ZNF860: variants seen among roughly 807,000 people sequenced by gnomAD.
ZNF860 encodes the protein zinc finger protein 860.
For missense variants in ZNF860, 641 were observed against 759.2 expected, an observed-to-expected ratio of 0.84 and a Z score of 1.83; for synonymous variants, 206 against 248.9, an observed-to-expected ratio of 0.83 and a Z score of 1.62.
chr3:31,988,458 A>G (rs902331612), intron 1 of ZNF860, among the ~76,000 whole-genome samples: 1 of 152,226 alleles, frequency 6.6e-6, no homozygotes, highest in Admixed American at 6.5e-5. Context: ...CTATGCCTAT[A>G]GATTCCTCTC....
the ZNF860 span, among the ~76,000 whole-genome samples, chr3:31,997,737 T>A: frequency 6.6e-6 from 1 of 152,094 alleles, no homozygotes; most frequent in Non-Finnish European, 1.5e-5. Context: ...TGCCTCTTCC[T>A]TGTCATGGAG....
chr3:31,990,996 A>G lies in ZNF860; in HGVS notation c.*18A>G, dbSNP rs748634300. The G allele has an allele frequency of 3.9e-6, 6 of 1,547,760 alleles. No individual in the cohort carries two copies. The African/African-American group carries it at 8.3e-5, about 21-fold the overall frequency. On this transcript the variant is annotated 3_prime_UTR_variant, in exon 2 of 2. Coordinates refer to ENST00000360311, the MANE Select transcript of ZNF860 (RefSeq NM_001137674.3). ...TCAGTTAGAGGTCACTCCTTGCAAA[A>G]CATCAGAAAATTCATTCCTGAGATA...
At chr3:32,005,788 C>T in the ZNF860 span, among the ~76,000 whole-genome samples, 1 of 151,950 alleles carries the variant, frequency 6.6e-6, no homozygotes, top group African/African-American at 2.4e-5. Flanking sequence ...GGGGTTTCAC[C>T]GTGTTAGCCG....
Position 31,991,128 on chromosome 3 carries a change from T to C in ZNF860, c.*150T>C. The C allele has an allele frequency of 2.5e-6, 2 of 798,158 alleles. No homozygotes were observed. Among genetic ancestry groups the C allele is most frequent in the Non-Finnish European group, 4.0e-6 (2 of 500,924 alleles). 49.4% of individuals were successfully genotyped at this position (798,158 alleles called of 1,614,324 possible). A position where few individuals can be genotyped will look rare whatever the true frequency, so the allele number is the denominator to read the frequency against. On this transcript the variant is annotated 3_prime_UTR_variant, in exon 2 of 2. Coordinates refer to ENST00000360311, the MANE Select transcript of ZNF860 (RefSeq NM_001137674.3). ...GTTGACTTGACATTGAGTTCAAGCA[T>C]TAATTGACATTAAAGTGTTTACGTT... is the stretch of plus-strand genomic sequence containing the variant.
intron 1 of ZNF860, among the ~76,000 whole-genome samples, chr3:31,983,170 G>C (rs1366189349): frequency 2.0e-5 from 3 of 152,164 alleles, no homozygotes; most frequent in Non-Finnish European, 2.9e-5. Context: ...GCATAGCTTT[G>C]CCTAAGCTAA....
Position 31,990,297 on chromosome 3 carries a change from C to G in ZNF860, c.1218C>G (p.Val406=). 1 of 1,614,026 alleles carries G rather than the reference C, an allele frequency of 6.2e-7. No homozygotes were observed. Among genetic ancestry groups the G allele is most frequent in the Admixed American group, 1.7e-5 (1 of 60,006 alleles). ...KLYKCNDCHK[V]FSNATTIANH... ...ATAAATGTAATGATTGTCACAAAGT[C>G]TTCAGTAATGCTACAACCATTGCAA... The change falls in exon 2 of 2, where the codon GTC becomes GTG. Residue 406 remains valine (V), a synonymous_variant. Coordinates refer to ENST00000360311, the MANE Select transcript of ZNF860 (RefSeq NM_001137674.3).
the ZNF860 span, among the ~76,000 whole-genome samples, chr3:32,003,901 C>T: frequency 1.3e-5 from 2 of 152,120 alleles, no homozygotes; most frequent in African/African-American, 4.8e-5. Context: ...CGGGCTAATA[C>T]TAAGGGCTCT....
downstream of ZNF860, among the ~76,000 whole-genome samples, chr3:31,993,131 C>G (rs1432971581): frequency 6.6e-6 from 1 of 151,982 alleles, no homozygotes; most frequent in Non-Finnish European, 1.5e-5. Context: ...CCCGCATATT[C>G]AAAGAACCCT....
rs768095322 is a variant in ZNF860, at chr3:31,989,251, A to G, written c.172A>G (p.Arg58Gly). The G allele has an allele frequency of 2.6e-5, 42 of 1,614,126 alleles. No individual in the cohort carries two copies. Among genetic ancestry groups the G allele is most frequent in the Non-Finnish European group, 3.4e-5 (40 of 1,180,048 alleles). The change falls in exon 2 of 2, where the codon AGG (arginine) becomes GGG (glycine). Residue 58 changes from arginine (R) to glycine (G), a missense_variant. Physicochemically the swap from Arg to Gly is moderately radical, Grantham distance 125. Coordinates refer to ENST00000360311, the MANE Select transcript of ZNF860 (RefSeq NM_001137674.3). ...LYRAMMLENY[R>G]NLHSVDISSK... Reference sequence around the variant, plus strand: ...CAGGGCCATGATGTTGGAGAACTACAGGAACCTGCATTCTGTGGATATCTC... The same window carrying G: ...CAGGGCCATGATGTTGGAGAACTACGGGAACCTGCATTCTGTGGATATCTC...
rs1273528948 is a variant in ZNF860 at position 31,989,474 on chromosome 3, A to T, written c.395A>T (p.Lys132Ile). Residue 132 changes from lysine to isoleucine, a missense_variant, in exon 2 of 2, where the codon AAA becomes ATA. Lys to Ile is a moderately radical substitution (Grantham distance 102, BLOSUM62 -3). Transcript: ENST00000360311. Reference sequence around the variant, plus strand: ...CATGAAGCAACTATGACACAAATCAAAAAGTTGACTGGTAGCACCGACAGA... The same window carrying T: ...CATGAAGCAACTATGACACAAATCATAAAGTTGACTGGTAGCACCGACAGA... ...NSHEATMTQI[K>I]KLTGSTDRYD... The T allele has an allele frequency of 6.2e-7, 1 of 1,614,236 alleles. No homozygotes were observed. The highest frequency in any genetic ancestry group is 1.1e-5 in the South Asian group (1 of 91,084).
the ZNF860 span, among the ~76,000 whole-genome samples, chr3:32,001,015 G>C: frequency 6.6e-6 from 1 of 152,174 alleles, no homozygotes; most frequent in African/African-American, 2.4e-5. Flanking sequence ...TCCTGGCTGT[G>C]TGGACAAGGT....
At chr3:31,998,532 ATTCT>A in the ZNF860 span, among the ~76,000 whole-genome samples, 2 of 152,234 alleles carry the variant, frequency 1.3e-5, no homozygotes, top group African/African-American at 4.8e-5. Context: ...GAGATATTTC[ATTCT>A]GTCACTAGCA....
At chr3:31,999,895 G>C in the ZNF860 span, among the ~76,000 whole-genome samples, 1 of 152,056 alleles carries the variant, frequency 6.6e-6, no homozygotes, top group Non-Finnish European at 1.5e-5. Flanking sequence ...ACCTTAAAAA[G>C]GTCATTCGAT....
rs1698916971 is a variant in ZNF860 at position 31,985,117 on chromosome 3, TA to T, written c.-421+3216del. 6.6e-5 allele frequency among the ~76,000 whole-genome samples: 10 copies of T among 152,336 alleles called. No homozygotes were observed. The South Asian group carries it at 2.1e-3, about 32-fold the overall frequency. The stretch of plus-strand genomic sequence containing the variant: ...AGCTGGGCGTGGTCATACACGCCTG[TA>T]GTCCCAGCTACTCAGGAGGCTGAGG... On this transcript the variant is annotated intron_variant, in intron 1 of 1. Transcript: ENST00000360311.
chr3:32,005,462 G>C, the ZNF860 span, among the ~76,000 whole-genome samples: 1 of 152,130 alleles, frequency 6.6e-6, no homozygotes, highest in Non-Finnish European at 1.5e-5. Flanking sequence ...AAGTTTCTCT[G>C]GAGCATTTAC....
the ZNF860 span, among the ~76,000 whole-genome samples, chr3:32,000,879 A>C: frequency 6.6e-6 from 1 of 152,218 alleles, no homozygotes; most frequent in Non-Finnish European, 1.5e-5. Context: ...TAAGACGTGC[A>C]GCTTTCCAAA....
the ZNF860 span, among the ~76,000 whole-genome samples, chr3:32,003,590 G>T: frequency 9.8e-5 from 15 of 152,338 alleles, no homozygotes; most frequent in East Asian, 2.5e-3. Context: ...CCAGTGGGTG[G>T]TATCATTCAA....
rs13087612 is a variant in ZNF860 at position 31,990,130 on chromosome 3, T to C, written c.1051T>C (p.Phe351Leu). The C allele has an allele frequency of 0.23, 368,964 of 1,613,066 alleles. 54,655 individuals carry two copies. Among genetic ancestry groups the C allele is most frequent in the African/African-American group, 0.66 (49,566 of 74,624 alleles). Residue 351 changes from phenylalanine to leucine, a missense_variant, in exon 2 of 2, where the codon TTC (phenylalanine) becomes CTC (leucine). Phe to Leu is a conservative substitution (Grantham distance 22, BLOSUM62 0). Coordinates refer to ENST00000360311, the MANE Select transcript of ZNF860 (RefSeq NM_001137674.3). ...CAAATGTAAGGTTTGTGAAAAGGCT[T>C]TCAGGCGTGATTCACACCTCACACA... is the stretch of plus-strand genomic sequence containing the variant. ...PYKCKVCEKA[F>L]RRDSHLTQHT...
In ZNF860 at chr3:31,990,380, T is replaced by G. The variant is rs1699010961; in HGVS notation, c.1301T>G (p.Phe434Cys). 6.2e-7 allele frequency: 1 copy of G among 1,613,944 alleles called. No homozygotes were observed. The change falls in exon 2 of 2, where the codon TTT (phenylalanine) becomes TGT (cysteine). Residue 434 changes from phenylalanine to cysteine, a missense_variant. Transcript: ENST00000360311. Reference protein sequence around the residue: ...RSYKCNKCGKFFRRRSYLVVH... With the variant: ...RSYKCNKCGKCFRRRSYLVVH... ...TACAAGTGTAATAAATGTGGCAAAT[T>G]TTTTAGACGTCGTTCATATCTCGTA...
Sources: gnomAD v4.1 joint callset for allele counts (sites outside exome capture counted in the v4.1 genomes callset) on GRCh38, gnomAD v4.1.1 for gene constraint, MANE v1.5 for transcripts, NCBI Gene and HGNC (gene_info 2026-07-23, HGNC 2026-07-21) for gene names.